Variants in DNAH3 observed in about 807,000 individuals in gnomAD.
The protein encoded by DNAH3 is dynein axonemal heavy chain 3.
A neutral mutation model predicts 432.5 loss-of-function variants in DNAH3; 332 were observed. That is an observed-to-expected ratio of 0.77 (90% confidence interval 0.70 to 0.84). The LOEUF (loss-of-function observed/expected upper bound fraction) is 0.84, where lower values mean the gene tolerates loss of function less well. DNAH3 is among the 40% of genes least tolerant of loss of function. The pLI, the probability that DNAH3 is intolerant of heterozygous loss-of-function variation, is 0.00. For missense variants in DNAH3, 4,861 were observed against 5,114.0 expected, an observed-to-expected ratio of 0.95 and a Z score of 1.51; for synonymous variants, 1,956 against 1,900.2, an observed-to-expected ratio of 1.03 and a Z score of -0.76.
At chr16:21,074,966 A>C (rs144223269) in intron 21 of DNAH3, among the ~76,000 whole-genome samples, 1 of 152,304 alleles carries the variant, frequency 6.6e-6, no homozygotes, top group East Asian at 1.9e-4. Context: ...ACTATTCAAA[A>C]TTGATCAATA....
chr16:21,037,817 C>T (rs1470176168), exon 34 of DNAH3: 1 of 1,614,168 alleles, frequency 6.2e-7, no homozygotes. Context: ...TCAAGCAATG[C>T]CCGGAGCAGC....
chr16:21,012,864 C>G (rs747876230), intron 41 of DNAH3, among the ~76,000 whole-genome samples: 6 of 152,094 alleles, frequency 3.9e-5, no homozygotes, highest in Non-Finnish European at 7.4e-5. Context: ...TAGGCTCAAG[C>G]AATCATCCCG....
At chr16:21,158,929 A>G (rs974366392) in intron 1 of DNAH3, among the ~76,000 whole-genome samples, 1 of 151,924 alleles carries the variant, frequency 6.6e-6, no homozygotes, top group African/African-American at 2.4e-5. Flanking sequence ...AGTCGCCGGG[A>G]CGGGGCTGGG....
In DNAH3 at chr16:20,959,262, GCAGTTCT is replaced by G. The variant is rs945857631; in HGVS notation, c.10736_10742del (p.Gln3579ProfsTer18). On this transcript the variant is annotated frameshift_variant, in exon 54 of 62. Transcript: ENST00000261383. LOFTEE classifies it high-confidence loss of function. ...TAGGCATCCAGCTTGCGGCCAGGTG[GCAGTTCT>G]GTAAGACCACCCAGGTCCCGTCTTT... 3 of 1,614,054 alleles carry G rather than the reference GCAGTTCT, an allele frequency of 1.9e-6. No homozygotes were observed. The highest frequency in any genetic ancestry group is 2.5e-6 in the Non-Finnish European group (3 of 1,180,036).
intron 1 of DNAH3, among the ~76,000 whole-genome samples, chr16:21,146,967 C>T (rs1284663548): frequency 2.6e-5 from 4 of 151,658 alleles, no homozygotes; most frequent in African/African-American, 7.3e-5. Context: ...ATCATGTTGG[C>T]CAGGCTGGTC....
chr16:20,984,695 C>A (rs1379868124), intron 48 of DNAH3, among the ~76,000 whole-genome samples: 1 of 152,052 alleles, frequency 6.6e-6, no homozygotes, highest in Non-Finnish European at 1.5e-5. Context: ...CATGGTGAAA[C>A]CCCTCTCTAC....
At chr16:21,094,893 G>A (rs2152788418) in intron 18 of DNAH3, among the ~76,000 whole-genome samples, 1 of 152,234 alleles carries the variant, frequency 6.6e-6, no homozygotes, top group Non-Finnish European at 1.5e-5. Context: ...CAGTTCCCCT[G>A]CACATGCTCT....
At chr16:20,964,573 A>G (rs1461635418) in exon 53 of DNAH3, 1 of 1,614,052 alleles carries the variant, frequency 6.2e-7, no homozygotes, top group Non-Finnish European at 8.5e-7. Flanking sequence ...AGAGAACTTG[A>G]TGACAGCCAG....
intron 15 of DNAH3, 51 bp from the exon 16 acceptor site, chr16:21,104,645 T>G: frequency 8.8e-7 from 1 of 1,140,054 alleles, no homozygotes; most frequent in Non-Finnish European, 1.3e-6. Flanking sequence ...ATAGGTCGGG[T>G]CAGCATGTGG....
intron 22 of DNAH3, 25 bp from the exon 23 acceptor site, chr16:21,069,619 G>A (rs1567736556): frequency 6.3e-7 from 1 of 1,595,152 alleles, no homozygotes; most frequent in Non-Finnish European, 8.6e-7. Context: ...TTTCATATCT[G>A]GATCATTAAC....
At chr16:20,996,933 A>C in intron 44 of DNAH3, 1 of 198,820 alleles carries the variant, frequency 5.0e-6, no homozygotes, top group Non-Finnish European at 1.0e-5. Flanking sequence ...CTGGCAACCT[A>C]AAGAATTATA....
Position 20,965,063 on chromosome 16 carries a change from C to T in DNAH3, c.8821G>A (p.Asp2941Asn), listed in dbSNP as rs568087839. 53 of 1,614,118 alleles carry T rather than the reference C, an allele frequency of 3.3e-5. 1 individual carries two copies. In the South Asian group the frequency reaches 4.1e-4, roughly 12 times the overall value. The stretch of plus-strand genomic sequence containing the variant: ...TTGGTGTTCATCTCTTCAAAGTCGT[C>T]ATTCAGGGCCTGGAGCCGATCTACC... The change falls in exon 53 of 62, where the codon GAC becomes AAC. Residue 2941 changes from aspartate (D) to asparagine (N), a missense_variant. Transcript: ENST00000261383.
chr16:20,934,227 T>C (rs2152563545), intron 61 of DNAH3, among the ~76,000 whole-genome samples: 1 of 152,360 alleles, frequency 6.6e-6, no homozygotes, highest in Admixed American at 6.5e-5. Context: ...CCATTTCTAA[T>C]TCTAAGTATA....
At chr16:21,005,654 C>G (rs564749642) in intron 41 of DNAH3, among the ~76,000 whole-genome samples, 100 of 151,386 alleles carry the variant, frequency 6.6e-4, no homozygotes, top group African/African-American at 2.4e-3. Context: ...GCTGGGATTA[C>G]AGGCATGAGC....
At chr16:21,136,622 C>A in intron 5 of DNAH3, 109 bp from the exon 7 acceptor site, 1 of 994,154 alleles carries the variant, frequency 1.0e-6, no homozygotes. Flanking sequence ...TTCGTCTGCA[C>A]CCTTCACTTG....
chr16:21,146,190 CCA>C, intron 1 of DNAH3, 102 bp from the exon 3 acceptor site: 1 of 706,576 alleles, frequency 1.4e-6, no homozygotes. Context: ...AGTTTTAGGT[CCA>C]GAGTTCTGGA....
rs370241570 is a variant in DNAH3, at chr16:20,997,285, G to A, written c.6599C>T (p.Thr2200Ile). Reference sequence around the variant, plus strand: ...AATGAGCTCTTCCCTTCACATACCAGTAATGTCATTCCTTCCTCCCCCGGG... The same window carrying A: ...AATGAGCTCTTCCCTTCACATACCAATAATGTCATTCCTTCCTCCCCCGGG... The change falls in exon 44 of 62, where the codon ACT (threonine) becomes ATT (isoleucine). Residue 2200 changes from threonine to isoleucine, a missense_variant and splice_region_variant. By Grantham distance (89) the Thr-to-Ile change is moderately conservative. Coordinates refer to ENST00000261383, the Ensembl canonical transcript of DNAH3. The A allele has an allele frequency of 1.9e-6, 3 of 1,613,792 alleles. No individual in the cohort carries two copies. The highest frequency in any genetic ancestry group is 2.5e-6 in the Non-Finnish European group (3 of 1,179,854).
At chr16:21,072,383 G>A (rs556562305) in intron 21 of DNAH3, among the ~76,000 whole-genome samples, 1 of 151,850 alleles carries the variant, frequency 6.6e-6, no homozygotes, top group African/African-American at 2.4e-5. Flanking sequence ...CTGGAGTGCA[G>A]TGGCATGATC....
At chr16:21,079,583 G>A (rs966409175) in intron 20 of DNAH3, among the ~76,000 whole-genome samples, 22 of 152,018 alleles carry the variant, frequency 1.4e-4, no homozygotes, top group Non-Finnish European at 2.9e-4. Context: ...AGATTGCACC[G>A]CTGAGATTGC....
Sources: allele counts gnomAD v4.1 joint callset (sites outside exome capture counted in the v4.1 genomes callset), GRCh38; gene constraint gnomAD v4.1.1; transcripts MANE v1.5; gene names NCBI Gene and HGNC (gene_info 2026-07-23, HGNC 2026-07-21).